Variants in MYO16 observed in about 807,000 individuals in gnomAD.
The protein encoded by MYO16 is unconventional myosin-XVI.
In MYO16, 94 loss-of-function variants were observed where a neutral mutation model predicts 205.3. The observed-to-expected ratio is 0.46, with a 90% CI of 0.39 to 0.54. MYO16 has a LOEUF of 0.54. MYO16 is among the 20% of genes least tolerant of loss of function. MYO16 has a pLI of 0.00. For synonymous variants in MYO16, 988 were observed against 954.0 expected (o/e 1.04, Z -0.66); for missense variants, 2,315 against 2,387.5 (o/e 0.97, Z 0.63).
intron 2 of MYO16, among the ~76,000 whole-genome samples, chr13:108,704,818 T>A (rs1365984863): frequency 2.0e-5 from 3 of 151,760 alleles, no homozygotes; most frequent in African/African-American, 4.8e-5. Context: ...AAAAGGAATG[T>A]TACAATAAAG....
chr13:108,627,299 A>C (rs994721325), upstream of MYO16, among the ~76,000 whole-genome samples: 1 of 152,168 alleles, frequency 6.6e-6, no homozygotes, highest in Non-Finnish European at 1.5e-5. Flanking sequence ...GGGAAATTAT[A>C]TGTAGATACA....
the MYO16 span, among the ~76,000 whole-genome samples, chr13:108,506,248 G>GTTA: frequency 7.9e-4 from 120 of 152,040 alleles, 1 homozygote; most frequent in Non-Finnish European, 1.0e-4. Context: ...TCTTACTTTG[G>GTTA]ATATTACTTG....
At chr13:109,176,192 C>T (rs1027174631) in intron 33 of MYO16, among the ~76,000 whole-genome samples, 3 of 151,938 alleles carry the variant, frequency 2.0e-5, no homozygotes, top group South Asian at 2.1e-4. Flanking sequence ...ATGAATGTTA[C>T]GTAGTCTCAT....
intron 16 of MYO16, among the ~76,000 whole-genome samples, chr13:108,953,561 T>A (rs571233570): frequency 1.6e-3 from 241 of 151,144 alleles, no homozygotes; most frequent in Non-Finnish European, 2.3e-3. Flanking sequence ...TTAAATGTTT[T>A]GAGTTTTGTT....
chr13:108,931,683 A>G (rs1324887080), intron 16 of MYO16, among the ~76,000 whole-genome samples: 3 of 152,180 alleles, frequency 2.0e-5, no homozygotes, highest in Non-Finnish European at 4.4e-5. Flanking sequence ...ACCATCATTC[A>G]CACATAATAG....
At chr13:108,791,545 C>G (rs983450975) in intron 5 of MYO16, among the ~76,000 whole-genome samples, 1 of 152,134 alleles carries the variant, frequency 6.6e-6, no homozygotes, top group Non-Finnish European at 1.5e-5. Context: ...GAAACAGAGG[C>G]AGAGGATAAG....
chr13:108,921,140 G>A (rs1051691001), intron 16 of MYO16, among the ~76,000 whole-genome samples: 9 of 152,126 alleles, frequency 5.9e-5, no homozygotes, highest in Non-Finnish European at 7.4e-5. Flanking sequence ...TGATATAGTC[G>A]GTGTTTCTTT....
chr13:108,853,084 G>A (rs1877968633), intron 10 of MYO16, among the ~76,000 whole-genome samples: 1 of 152,230 alleles, frequency 6.6e-6, no homozygotes, highest in Non-Finnish European at 1.5e-5. Flanking sequence ...AAAACTGCCT[G>A]GATCAAGACC....
At chr13:108,886,624 C>T (rs1002238083) in intron 13 of MYO16, among the ~76,000 whole-genome samples, 1 of 152,090 alleles carries the variant, frequency 6.6e-6, no homozygotes, top group Non-Finnish European at 1.5e-5. Context: ...ATGCTGAGGC[C>T]GAGCTGCTCC....
At chr13:108,712,581 T>G in intron 2 of MYO16, 80 bp from the exon 3 acceptor site, 1 of 1,238,766 alleles carries the variant, frequency 8.1e-7, no homozygotes. Context: ...ATTTTAGATA[T>G]TAACGAAAGC....
chr13:109,036,594 C>A (rs1048021639), intron 23 of MYO16, among the ~76,000 whole-genome samples: 1 of 152,106 alleles, frequency 6.6e-6, no homozygotes, highest in Admixed American at 6.5e-5. Context: ...CGCTAACTGC[C>A]GCAGCATAAG....
intron 16 of MYO16, among the ~76,000 whole-genome samples, chr13:108,937,840 C>T (rs1386170286): frequency 6.6e-6 from 1 of 152,146 alleles, no homozygotes; most frequent in Non-Finnish European, 1.5e-5. Context: ...TCTCAATAAG[C>T]TTCCTTGCAA....
At chr13:108,714,106 G>T (rs1469665130) in intron 3 of MYO16, among the ~76,000 whole-genome samples, 1 of 152,128 alleles carries the variant, frequency 6.6e-6, no homozygotes, top group Non-Finnish European at 1.5e-5. Context: ...GCCCAGGCTG[G>T]AGTGCAGTGG....
Position 108,844,465 on chromosome 13 carries a change from T to C in MYO16, c.1220T>C (p.Met407Thr), listed in dbSNP as rs16973313. The C allele has an allele frequency of 0.12, 197,654 of 1,610,966 alleles. 12,818 individuals carry two copies. Among genetic ancestry groups the C allele is most frequent in the African/African-American group, 0.14 (10,231 of 74,944 alleles). ...QSQDSIPENPMMSGSTKPEQV... is the reference protein window; with the variant it reads ...QSQDSIPENPTMSGSTKPEQV... ...CAGGACAGCATCCCTGAAAACCCCA[T>C]GATGAGCGGTTCCACCAAACCCGAG... The change falls in exon 10 of 35, where the codon ATG (methionine) becomes ACG (threonine). Residue 407 changes from methionine (M) to threonine (T), a missense_variant. Met to Thr is a moderately conservative substitution (Grantham distance 81). Coordinates refer to ENST00000457511, the MANE Select transcript of MYO16 (RefSeq NM_001198950.3).
At chr13:108,756,919 C>A (rs758450415) in intron 4 of MYO16, among the ~76,000 whole-genome samples, 10 of 152,152 alleles carry the variant, frequency 6.6e-5, no homozygotes, top group Non-Finnish European at 1.2e-4. Flanking sequence ...TGTTTTACAA[C>A]ACAGTCTATG....
intron 27 of MYO16, among the ~76,000 whole-genome samples, chr13:109,096,982 T>A (rs1171340371): frequency 6.6e-6 from 1 of 152,216 alleles, no homozygotes; most frequent in African/African-American, 2.4e-5. Context: ...ATATCACTTG[T>A]CACCTTTTAA....
At chr13:108,835,737 A>G (rs1876877871) in intron 9 of MYO16, among the ~76,000 whole-genome samples, 1 of 152,216 alleles carries the variant, frequency 6.6e-6, no homozygotes. Context: ...ACTGGAACAA[A>G]GGTGACACTT....
chr13:109,051,676 C>T (rs1887251666), intron 24 of MYO16, among the ~76,000 whole-genome samples: 1 of 152,152 alleles, frequency 6.6e-6, no homozygotes, highest in African/African-American at 2.4e-5. Context: ...GACTCATGGA[C>T]TCAGAATTAT....
chr13:108,849,932 C>T (rs1877758148), intron 10 of MYO16, among the ~76,000 whole-genome samples: 1 of 144,820 alleles, frequency 6.9e-6, no homozygotes, highest in Non-Finnish European at 1.5e-5. Context: ...TGCGCCTAGA[C>T]TGCCTTCCTC....
Sources: gnomAD v4.1 joint callset for allele counts (sites outside exome capture counted in the v4.1 genomes callset) on GRCh38, gnomAD v4.1.1 for gene constraint, MANE v1.5 for transcripts, NCBI Gene and HGNC (gene_info 2026-07-23, HGNC 2026-07-21) for gene names.